MLXIPL: variants seen among roughly 807,000 people sequenced by gnomAD.
MLXIPL encodes carbohydrate-responsive element-binding protein.
MLXIPL carries 49 observed loss-of-function variants against 81.5 expected under a neutral mutation model. That is an observed-to-expected ratio of 0.60 (90% CI 0.48 to 0.76). The LOEUF (loss-of-function observed/expected upper bound fraction) is 0.76, where lower values mean the gene tolerates loss of function less well. MLXIPL is among the 30% of genes least tolerant of loss of function. MLXIPL has a pLI of 0.00. For missense variants in MLXIPL, 1,053 were observed against 1,167.0 expected, an observed-to-expected ratio of 0.90 and a Z score of 1.42; for synonymous variants, 466 against 485.5, an observed-to-expected ratio of 0.96 and a Z score of 0.53.
At chr7:73,637,898 A>G in the MLXIPL span, among the ~76,000 whole-genome samples, 1 of 152,122 alleles carries the variant, frequency 6.6e-6, no homozygotes, top group African/African-American at 2.4e-5. Flanking sequence ...GGGATTCCCA[A>G]ATGGCCCTAG....
At chr7:73,647,826 C>T in the MLXIPL span, among the ~76,000 whole-genome samples, 2 of 150,946 alleles carry the variant, frequency 1.3e-5, no homozygotes. Context: ...GGGCGGGCGG[C>T]GGGCGGCGGG....
In MLXIPL at chr7:73,624,094, C is replaced by G. The variant is rs1363343960; in HGVS notation, c.293+106G>C. On this transcript the variant is annotated intron_variant, in intron 1 of 16. Transcript: ENST00000313375. ...TCGGAGCCTCCGGGAGCCGCAGGAC[C>G]GGGCTCGGGTGGGGTGTTGAGGGCC... 12 of 1,397,570 alleles carry G rather than the reference C, an allele frequency of 8.6e-6. No homozygotes were observed. The East Asian group carries it at 3.2e-4, about 37-fold the overall frequency. 86.6% of individuals were successfully genotyped at this position (1,397,570 alleles called of 1,614,324 possible).
At chr7:73,628,067 C>T (rs1467573859), upstream of MLXIPL, among the ~76,000 whole-genome samples, 1 of 152,106 alleles carries the variant, frequency 6.6e-6, no homozygotes, top group Admixed American at 6.6e-5. Context: ...AGCGACCCTT[C>T]CACCACGGCC....
upstream of MLXIPL, among the ~76,000 whole-genome samples, chr7:73,627,093 AGCTGTTCT>A (rs1796766968): frequency 6.6e-6 from 1 of 152,040 alleles, no homozygotes. Context: ...CAGGAGCCCC[AGCTGTTCT>A]GCTCCATCCT....
intron 8 of MLXIPL, among the ~76,000 whole-genome samples, chr7:73,598,871 C>T (rs193101632): frequency 3.3e-5 from 5 of 152,030 alleles, no homozygotes; most frequent in African/African-American, 4.8e-5. Context: ...TGTAATCCCA[C>T]CACCTTGGGA....
intron 15 of MLXIPL, among the ~76,000 whole-genome samples, 181 bp from the exon 16 acceptor site, chr7:73,594,584 T>C (rs1290218265): frequency 6.6e-6 from 1 of 152,044 alleles, no homozygotes; most frequent in Non-Finnish European, 1.5e-5. Context: ...AGTCTCGCTC[T>C]GTCACCCAGG....
chr7:73,624,918 G>C (rs955790119), upstream of MLXIPL, among the ~76,000 whole-genome samples: 6 of 152,166 alleles, frequency 3.9e-5, no homozygotes, highest in African/African-American at 1.4e-4. Context: ...AAAATTAGCC[G>C]GACATAGTGG....
chr7:73,624,431 G>C lies in MLXIPL; in HGVS notation c.62C>G (p.Pro21Arg). 1 of 1,560,054 alleles carries C rather than the reference G, an allele frequency of 6.4e-7. No homozygotes were observed. The highest frequency in any genetic ancestry group is 8.6e-7 in the Non-Finnish European group (1 of 1,160,238). ...CGAGTCTGTGTCCGAGTCCGAGTCT[G>C]GGCTGGGCGCGACCCGCGGGACCTG... ...GLQVPRVAPS[P>R]DSDSDTDSED... Residue 21 changes from proline to arginine, a missense_variant, in exon 1 of 17, where the codon CCA becomes CGA. Transcript: ENST00000313375.
chr7:73,607,638 G>A lies in MLXIPL; in HGVS notation c.435C>T (p.Phe145=), dbSNP rs1554598751. Residue 145 remains phenylalanine, a synonymous_variant, in exon 3 of 17, where the codon TTC becomes TTT. Coordinates refer to ENST00000313375, the MANE Select transcript of MLXIPL (RefSeq NM_032951.3). ...VKRRKSPVCG[F]VTPLQGPEAD... ...CCTCAGGCCCCTGCAGGGGGGTCAC[G>A]AAGCCACACACGGGGCTCTTCCTCC... is the stretch of plus-strand genomic sequence containing the variant. The A allele has an allele frequency of 1.2e-6, 2 of 1,613,488 alleles. No homozygotes were observed. Among genetic ancestry groups the A allele is most frequent in the Non-Finnish European group, 1.7e-6 (2 of 1,179,994 alleles).
At position 73,623,163 on chromosome 7, in the gene MLXIPL, C is replaced by T. The variant is rs1439640675; in HGVS notation, c.293+1037G>A. The stretch of plus-strand genomic sequence containing the variant: ...CGGCTGCGGTTGGGGGCAGGCAACA[C>T]TCCCCTCACAGTCCCCACCCCAGCT... On this transcript the variant is annotated intron_variant, in intron 1 of 16. Transcript: ENST00000313375. The surrounding 1 kb of genome is among the most constrained non-coding windows in gnomAD (Gnocchi z 5.7). 6.6e-6 allele frequency among the ~76,000 whole-genome samples: 1 copy of T among 152,218 alleles called. No homozygotes were observed. Among genetic ancestry groups the T allele is most frequent in the Non-Finnish European group, 1.5e-5 (1 of 68,038 alleles).
At position 73,605,737 on chromosome 7, in the gene MLXIPL, C is replaced by A. The variant is rs148272008; in HGVS notation, c.852G>T (p.Pro284=). Residue 284 remains proline (P), a synonymous_variant, in exon 7 of 17, where the codon CCG becomes CCT. Coordinates refer to ENST00000313375, the MANE Select transcript of MLXIPL (RefSeq NM_032951.3). Reference sequence around the variant, plus strand: ...GGCTTGGCTGCAGTGGCGTCAGGTCCGGCTGGATCATGTCAGCATTGCCGA... The same window carrying A: ...GGCTTGGCTGCAGTGGCGTCAGGTCAGGCTGGATCATGTCAGCATTGCCGA... ...AYVGNADMIQ[P]DLTPLQPSLD... 6.2e-7 allele frequency: 1 copy of A among 1,613,640 alleles called. No homozygotes were observed. Among genetic ancestry groups the A allele is most frequent in the Non-Finnish European group, 8.5e-7 (1 of 1,179,860 alleles).
the MLXIPL span, among the ~76,000 whole-genome samples, chr7:73,642,579 C>T: frequency 6.6e-6 from 1 of 152,212 alleles, no homozygotes; most frequent in Non-Finnish European, 1.5e-5. Context: ...TGGTCTCAAA[C>T]TCCTGATCTC....
At chr7:73,629,871 G>A in the MLXIPL span, among the ~76,000 whole-genome samples, 1 of 152,176 alleles carries the variant, frequency 6.6e-6, no homozygotes, top group African/African-American at 2.4e-5. Context: ...CTGGCGGATT[G>A]TGGTGAGAAT....
Position 73,596,543 on chromosome 7 carries a change from C to A in MLXIPL, c.1823-64G>T. ...CAGGGGAAAGGGTCCCCATTGCCCC[C>A]TTCCTCTCATCTGGCCCCAGACCCA... is the stretch of plus-strand genomic sequence containing the variant. On this transcript the variant is annotated intron_variant, in intron 11 of 16. Coordinates refer to ENST00000313375, the MANE Select transcript of MLXIPL (RefSeq NM_032951.3). This position sits in a 1 kb window ranked among gnomAD's most constrained non-coding sequence, Gnocchi z 4.7. 1 of 1,602,914 alleles carries A rather than the reference C, an allele frequency of 6.2e-7. No homozygotes were observed.
rs72649055 is a variant in MLXIPL at position 73,622,879 on chromosome 7, G to A, written c.293+1321C>T. Among the ~76,000 whole-genome samples the A allele has an allele frequency of 7.0e-3, 1,065 of 152,196 alleles. 9 individuals carry two copies. The highest frequency in any genetic ancestry group is 0.011 in the Non-Finnish European group (716 of 67,998). ...AATAGAGTGATGTGTAGTATATAATGAGCAGCCAAAGTTGGGGTTGGGTGG... is the reference window on the plus strand; with the variant it reads ...AATAGAGTGATGTGTAGTATATAATAAGCAGCCAAAGTTGGGGTTGGGTGG... On this transcript the variant is annotated intron_variant, in intron 1 of 16. Transcript: ENST00000313375.
chr7:73,601,176 AGTGTGTGTGTGTGTGTGTGTGTGT>A (rs55639253), intron 7 of MLXIPL, among the ~76,000 whole-genome samples: 13 of 137,732 alleles, frequency 9.4e-5, no homozygotes, highest in Admixed American at 5.8e-4. Context: ...TGCAGGGTCA[AGTGTGTGTGTGTGTGTGTGTGTGT>A]GTGTGTGTGT....
chr7:73,619,268 C>T (rs1796176322), intron 1 of MLXIPL, among the ~76,000 whole-genome samples: 1 of 151,768 alleles, frequency 6.6e-6, no homozygotes, highest in African/African-American at 2.4e-5. Context: ...CGAGATCAGC[C>T]TGGCTAACAA....
chr7:73,597,515 A>G lies in MLXIPL; in HGVS notation c.1270T>C (p.Leu424=). The G allele has an allele frequency of 7.2e-7, 1 of 1,396,666 alleles. No homozygotes were observed. Among genetic ancestry groups the G allele is most frequent in the African/African-American group, 1.5e-5 (1 of 67,938 alleles). 86.5% of individuals were successfully genotyped at this position (1,396,666 alleles called of 1,614,324 possible). A position where few individuals can be genotyped will look rare whatever the true frequency, so the allele number is the denominator to read the frequency against. ...PFPPMAPPTA[L]LQEEPLFSPR... ...GAGAAGAGAGGCTCTTCCTGCAGCA[A>G]AGCAGTGGGTGGTGCCATGGGAGGG... is the stretch of plus-strand genomic sequence containing the variant. The change falls in exon 9 of 17, where the codon TTG becomes CTG. Residue 424 remains leucine (L), a synonymous_variant. Transcript: ENST00000313375.
chr7:73,607,438 G>A lies in MLXIPL; in HGVS notation c.484-18C>T. The A allele has an allele frequency of 6.5e-7, 1 of 1,549,600 alleles. No homozygotes were observed. The highest frequency in any genetic ancestry group is 1.4e-5 in the African/African-American group (1 of 73,246). ...ACCACGGCCTGGGGTAGGGGCCGGGGGAGGGGGATCAGTAGAGAGGGGAGC... is the reference window on the plus strand; with the variant it reads ...ACCACGGCCTGGGGTAGGGGCCGGGAGAGGGGGATCAGTAGAGAGGGGAGC... On this transcript the variant is annotated intron_variant, in intron 3 of 16. Coordinates refer to ENST00000313375, the MANE Select transcript of MLXIPL (RefSeq NM_032951.3).
Sources: gnomAD v4.1 joint callset for allele counts (sites outside exome capture counted in the v4.1 genomes callset) on GRCh38, gnomAD v4.1.1 for gene constraint, Gnocchi (gnomAD v3.1) non-coding constraint, MANE v1.5 for transcripts, NCBI Gene and HGNC (gene_info 2026-07-23, HGNC 2026-07-21) for gene names.